MUC6: variants seen among roughly 807,000 people sequenced by gnomAD.
The protein encoded by MUC6 is mucin 6, oligomeric mucus/gel-forming (gene/pseudogene), also known as mucin-6.
MUC6 carries 188 observed loss-of-function variants against 201.5 expected under a neutral mutation model. That is an observed-to-expected ratio of 0.93 (90% CI 0.83 to 1.05). The LOEUF (loss-of-function observed/expected upper bound fraction) is 1.05, where lower values mean the gene tolerates loss of function less well. Ranked by LOEUF, MUC6 falls within the 50% of genes least tolerant of loss-of-function variation. The pLI, the probability that MUC6 is intolerant of heterozygous loss-of-function variation, is 0.00. For synonymous variants in MUC6, 1,228 were observed against 1,389.4 expected, an observed-to-expected ratio of 0.88 and a Z score of 2.58; for missense variants, 2,706 against 3,256.9, an observed-to-expected ratio of 0.83 and a Z score of 4.12.
chr11:1,025,178 G>C lies in MUC6; in HGVS notation c.2985+4C>G, dbSNP rs1230006418. 6 of 1,610,892 alleles carry C rather than the reference G, an allele frequency of 3.7e-6. No homozygotes were observed. The highest frequency in any genetic ancestry group is 1.3e-5 in the African/African-American group (1 of 74,926). Reference sequence around the variant, plus strand: ...CCTGGGAGGAGGCAGAGGGCGTGCGGTACCTGGGAGGCACGGGCGATCCTG... The same window carrying C: ...CCTGGGAGGAGGCAGAGGGCGTGCGCTACCTGGGAGGCACGGGCGATCCTG... On this transcript the variant is annotated splice_donor_region_variant and intron_variant, in intron 23 of 32. Coordinates refer to ENST00000421673, the MANE Select transcript of MUC6 (RefSeq NM_005961.3).
At chr11:1,031,103 G>A in intron 5 of MUC6, 47 bp from the exon 6 acceptor site, 2 of 1,489,472 alleles carry the variant, frequency 1.3e-6, no homozygotes, top group Non-Finnish European at 1.8e-6. Context: ...GGGCCTCAGA[G>A]GCCCCCCTGC....
chr11:1,015,684 T>C, intron 31 of MUC6, 78 bp downstream of exon 31: 1 of 1,463,360 alleles, frequency 6.8e-7, no homozygotes, highest in African/African-American at 1.4e-5. Flanking sequence ...CCATGAGGGG[T>C]AAGCTGAGGC....
intron 26 of MUC6, among the ~76,000 whole-genome samples, chr11:1,023,298 ATG>A (rs1172405495): frequency 2.0e-5 from 3 of 151,942 alleles, no homozygotes; most frequent in African/African-American, 7.3e-5. Flanking sequence ...GCGTGAATGA[ATG>A]AATATGCGTG....
intron 11 of MUC6, 42 bp downstream of exon 11, chr11:1,029,004 G>A: frequency 6.2e-7 from 1 of 1,612,730 alleles, no homozygotes; most frequent in Non-Finnish European, 8.5e-7. Flanking sequence ...GCACCAGGGA[G>A]CGGAGCCCTG....
Position 1,033,788 on chromosome 11 carries a change from G to A in MUC6, c.53-713C>T, listed in dbSNP as rs1366295019. On this transcript the variant is annotated intron_variant, in intron 1 of 32. Transcript: ENST00000421673. This position sits in a 1 kb window ranked among gnomAD's most constrained non-coding sequence, Gnocchi z 5.6. ...TTTTCCCACCTCTGGGTAACTCCCC[G>A]GACCCTGCCTCCGAGACTATGACCC... Among the ~76,000 whole-genome samples, 1 of 151,712 alleles carries A rather than the reference G, an allele frequency of 6.6e-6. No homozygotes were observed. Among genetic ancestry groups the A allele is most frequent in the Non-Finnish European group, 1.5e-5 (1 of 67,894 alleles).
intron 30 of MUC6, 101 bp downstream of exon 30, chr11:1,019,174 G>A (rs1378233851): frequency 1.5e-6 from 2 of 1,342,458 alleles, no homozygotes; most frequent in Non-Finnish European, 1.0e-6. Context: ...TTGCCCTCTG[G>A]GAAATACGGG....
Position 1,023,495 on chromosome 11 carries a change from C to A in MUC6, c.3526+14G>T, listed in dbSNP as rs374489409. ...CCCCCTGTGTATCTGCGTTGCCTCC[C>A]GGTCACCTGGCACCTTCGATGTTGC... On this transcript the variant is annotated intron_variant, in intron 26 of 32. Coordinates refer to ENST00000421673, the MANE Select transcript of MUC6 (RefSeq NM_005961.3). 42 of 1,562,536 alleles carry A rather than the reference C, an allele frequency of 2.7e-5. No homozygotes were observed. Among genetic ancestry groups the A allele is most frequent in the South Asian group, 1.5e-4 (13 of 84,986 alleles).
Position 1,013,358 on chromosome 11 carries a change from G to C in MUC6, c.*98C>G. 7.5e-7 allele frequency: 1 copy of C among 1,326,758 alleles called. No homozygotes were observed. Among genetic ancestry groups the C allele is most frequent in the Non-Finnish European group, 1.0e-6 (1 of 979,720 alleles). The allele number at this position is 1,326,758 out of a possible 1,614,324, so 82.2% of individuals were successfully genotyped here. On this transcript the variant is annotated 3_prime_UTR_variant, in exon 33 of 33. Coordinates refer to ENST00000421673, the MANE Select transcript of MUC6 (RefSeq NM_005961.3). ...CTTGGGGGCCAGGCCTGGTGACCAG[G>C]AAAGCAGCTGCTGGCACAAGCGGGA... is the stretch of plus-strand genomic sequence containing the variant.
Position 1,013,982 on chromosome 11 carries a change from C to T in MUC6, c.7059G>A (p.Glu2353=). ...PTSPGVCSVR[E]QQEEITFKGC... ...CCTTGAACGTGATCTCCTCCTGCTG[C>T]TCCCGCACACTGCAGACCCCTGGTA... Residue 2353 remains glutamate, a synonymous_variant, in exon 32 of 33, where the codon GAG becomes GAA. Transcript: ENST00000421673. The T allele has an allele frequency of 1.2e-6, 2 of 1,608,592 alleles. No individual in the cohort carries two copies. The highest frequency in any genetic ancestry group is 2.2e-5 in the East Asian group (1 of 44,746).
chr11:1,016,488 A>G lies in MUC6; in HGVS notation c.6313T>C (p.Ser2105Pro), dbSNP rs756753978. The change falls in exon 31 of 33, where the codon TCA becomes CCA. Residue 2105 changes from serine to proline, a missense_variant. By Grantham distance (74) the Ser-to-Pro change is moderately conservative. Around this residue, in one of 10 missense-constraint regions of MUC6, gnomAD observed 586 missense variants for 488.0 expected, o/e 1.20. Transcript: ENST00000421673. Reference sequence around the variant, plus strand: ...TGGGGGAGTTGTGTGGTGATAGGTGATGACGGTGGCCTTGAGCTAGAGTTC... The same window carrying G: ...TGGGGGAGTTGTGTGGTGATAGGTGGTGACGGTGGCCTTGAGCTAGAGTTC... ...PQNSSSRPPS[S>P]PITTQLPHLS... The G allele has an allele frequency of 1.2e-6, 2 of 1,610,732 alleles. No individual in the cohort carries two copies. Among genetic ancestry groups the G allele is most frequent in the Non-Finnish European group, 8.5e-7 (1 of 1,179,038 alleles).
At position 1,021,230 on chromosome 11, in the gene MUC6, C is replaced by T. The variant is rs1056581158; in HGVS notation, c.3574G>A (p.Val1192Met). The T allele has an allele frequency of 6.3e-7, 1 of 1,591,082 alleles. No individual in the cohort carries two copies. The highest frequency in any genetic ancestry group is 8.5e-7 in the Non-Finnish European group (1 of 1,169,634). The stretch of plus-strand genomic sequence containing the variant: ...CTGGACTTACTGCAGGGCACGCACA[C>T]CCCCTCCTCGTGGTCGAAGTACTCA... ...QDEYFDHEEG[V>M]CVPCMPPTTP... The change falls in exon 27 of 33, where the codon GTG (valine) becomes ATG (methionine). Residue 1192 changes from valine to methionine, a missense_variant. By Grantham distance (21) the Val-to-Met change is conservative (BLOSUM62 1). Around this residue, in one of 10 missense-constraint regions of MUC6, gnomAD observed 1,850 missense variants for 1,958.3 expected, o/e 0.94. Transcript: ENST00000421673.
At position 1,025,077 on chromosome 11, in the gene MUC6, G is replaced by C; in HGVS notation, c.2992C>G (p.Leu998Val). The change falls in exon 24 of 33, where the codon CTC (leucine) becomes GTC (valine). Residue 998 changes from leucine to valine, a missense_variant. Physicochemically the swap from Leu to Val is conservative, Grantham distance 32. Coordinates refer to ENST00000421673, the MANE Select transcript of MUC6 (RefSeq NM_005961.3). ...TTGAAGTTGCCACACAAGCCGCAGAGGGGATCCTGCAGACGGTGGCATCAG... is the reference window on the plus strand; with the variant it reads ...TTGAAGTTGCCACACAAGCCGCAGACGGGATCCTGCAGACGGTGGCATCAG... ...IRIARASQDP[L>V]CGLCGNFNGN... 2 of 1,612,946 alleles carry C rather than the reference G, an allele frequency of 1.2e-6. No homozygotes were observed. Among genetic ancestry groups the C allele is most frequent in the Non-Finnish European group, 1.7e-6 (2 of 1,179,850 alleles).
At position 1,021,734 on chromosome 11, in the gene MUC6, G is replaced by A. The variant is rs377416223; in HGVS notation, c.3527-457C>T. On this transcript the variant is annotated intron_variant, in intron 26 of 32. Transcript: ENST00000421673. Reference sequence around the variant, plus strand: ...GTCTCTCATACCCTGCTTATCACCCGGGGCTGGGGCTTCGGTGCCATCTTC... The same window carrying A: ...GTCTCTCATACCCTGCTTATCACCCAGGGCTGGGGCTTCGGTGCCATCTTC... Among the ~76,000 whole-genome samples the A allele has an allele frequency of 5.3e-5, 8 of 151,996 alleles. No individual in the cohort carries two copies. The East Asian group carries it at 1.6e-3, about 30-fold the overall frequency.
At chr11:1,027,218 C>A (rs985485158) in intron 17 of MUC6, 25 bp from the exon 18 acceptor site, 2 of 1,612,072 alleles carry the variant, frequency 1.2e-6, no homozygotes, top group African/African-American at 1.3e-5. Context: ...CTGCGTGAGA[C>A]CCCGGGACCT....
At position 1,019,355 on chromosome 11, in the gene MUC6, G is replaced by A. The variant is rs755584547; in HGVS notation, c.3950C>T (p.Thr1317Met). The change falls in exon 30 of 33, where the codon ACG (threonine) becomes ATG (methionine). Residue 1317 changes from threonine to methionine, a missense_variant. Physicochemically the swap from Thr to Met is moderately conservative, Grantham distance 81. Around this residue, in one of 10 missense-constraint regions of MUC6, gnomAD observed 1,850 missense variants for 1,958.3 expected, o/e 0.94. Transcript: ENST00000421673. ...RATASTASPA[T>M]TSTAQSTTRT... is the part of the protein sequence containing the mutation. ...TGTTGTGGACTGAGCTGTGGACGTC[G>A]TGGCTGGGCTGGCGGTCGACGCCGT... 38 of 1,613,746 alleles carry A rather than the reference G, an allele frequency of 2.4e-5. No homozygotes were observed. The highest frequency in any genetic ancestry group is 1.6e-4 in the Middle Eastern group (1 of 6,084).
At chr11:1,023,836 C>T (rs1856883552) in intron 25 of MUC6, 111 bp downstream of exon 25, 37 of 1,477,142 alleles carry the variant, frequency 2.5e-5, no homozygotes, top group Non-Finnish European at 3.4e-5. Flanking sequence ...AGGGCACAGC[C>T]CGGCGCCTGT....
rs1321024774 is a variant in MUC6, at chr11:1,028,764, C to T, written c.1473G>A (p.Arg491=). The change falls in exon 13 of 33, where the codon AGG becomes AGA. Residue 491 remains arginine, a synonymous_variant. Coordinates refer to ENST00000421673, the MANE Select transcript of MUC6 (RefSeq NM_005961.3). ...PYKTRNITVF[R]QTSTHLQMAT... is the part of the protein sequence containing the mutation. ...CCATCTGGAGGTGGGTGGACGTCTG[C>T]CTGAAGACCGTGATGTTGCCTGCAG... 6.2e-7 allele frequency: 1 copy of T among 1,611,592 alleles called. No individual in the cohort carries two copies. Among genetic ancestry groups the T allele is most frequent in the Non-Finnish European group, 8.5e-7 (1 of 1,179,782 alleles).
rs372946174 is a variant in MUC6, at chr11:1,028,849, G to A, written c.1453+40C>T. 8.3e-4 allele frequency: 1,343 copies of A among 1,610,328 alleles called. 1 individual carries two copies. The highest frequency in any genetic ancestry group is 1.1e-3 in the Non-Finnish European group (1,276 of 1,179,860). ...CCCACCCACTGCAGCCCGCCCCGAA[G>A]GCACAACTCTGGGGGGCCACAGACT... On this transcript the variant is annotated intron_variant, in intron 12 of 32. Coordinates refer to ENST00000421673, the MANE Select transcript of MUC6 (RefSeq NM_005961.3).
intron 2 of MUC6, 69 bp from the exon 3 acceptor site, chr11:1,032,122 CAG>C (rs1857121199): frequency 6.4e-7 from 1 of 1,574,186 alleles, no homozygotes; most frequent in Admixed American, 1.8e-5. Context: ...CTGGGGCAGG[CAG>C]AGAGGTCACT....
Sources: gnomAD v4.1 joint callset for allele counts (sites outside exome capture counted in the v4.1 genomes callset) on GRCh38, gnomAD v4.1.1 for gene constraint, gnomAD v4.1.1 regional missense constraint, Gnocchi (gnomAD v3.1) non-coding constraint, MANE v1.5 for transcripts, NCBI Gene and HGNC (gene_info 2026-07-23, HGNC 2026-07-21) for gene names.